Variants in SLF2 observed in about 807,000 individuals in gnomAD.
SLF2 encodes SMC5/6 complex localization factor 2.
SLF2 carries 68 observed loss-of-function variants against 124.3 expected under a neutral mutation model. The observed-to-expected ratio is 0.55, with a 90% CI of 0.45 to 0.67. The LOEUF (loss-of-function observed/expected upper bound fraction) is 0.67. Among genes scored for constraint, SLF2 ranks in the 30% least tolerant of loss-of-function variants. The pLI is 0.00. For missense variants in SLF2, 1,246 were observed against 1,373.7 expected (o/e 0.91, Z 1.47); for synonymous variants, 480 against 478.8 (o/e 1.00, Z -0.03).
At position 100,913,002 on chromosome 10, in the gene SLF2, G is replaced by A; in HGVS notation, c.-109G>A. The A allele has an allele frequency of 4.1e-6, 5 of 1,229,654 alleles. No individual in the cohort carries two copies. Among genetic ancestry groups the A allele is most frequent in the South Asian group, 1.4e-5 (1 of 71,290 alleles). 76.2% of individuals were successfully genotyped at this position (1,229,654 alleles called of 1,614,324 possible). A position where few individuals can be genotyped will look rare whatever the true frequency, so the allele number is the denominator to read the frequency against. Reference sequence around the variant, plus strand: ...AACCGCCATGAAGAGAGAAGGGGGTGCCGCCCACCTCTGCTCCGACAGCCT... The same window carrying A: ...AACCGCCATGAAGAGAGAAGGGGGTACCGCCCACCTCTGCTCCGACAGCCT... On this transcript the variant is annotated 5_prime_UTR_variant, in exon 1 of 20. Transcript: ENST00000238961.
At chr10:100,937,577 C>A in intron 10 of SLF2, 100 bp downstream of exon 10, 4 of 784,642 alleles carry the variant, frequency 5.1e-6, no homozygotes, top group Admixed American at 2.4e-5. Flanking sequence ...TGGAAATATA[C>A]AATACAAAAT....
Position 100,916,842 on chromosome 10 carries a change from T to C in SLF2, c.457T>C (p.Ser153Pro), listed in dbSNP as rs761855875. 3 of 1,614,200 alleles carry C rather than the reference T, an allele frequency of 1.9e-6. No homozygotes were observed. In the East Asian group the frequency reaches 6.7e-5, roughly 36 times the overall value. The change falls in exon 3 of 20, where the codon TCT becomes CCT. Residue 153 changes from serine to proline, a missense_variant. Ser to Pro is a moderately conservative substitution (Grantham distance 74, BLOSUM62 -1). Around this residue, in one of 3 missense-constraint regions of SLF2, gnomAD observed 698 missense variants for 708.9 expected, o/e 0.98. Coordinates refer to ENST00000238961, the MANE Select transcript of SLF2 (RefSeq NM_018121.4). ...CAAAGGAACAAATATCTATGTTCCT[T>C]CTTCATATCACTTGCCAAAGGAGAT... ...LAKGTNIYVP[S>P]SYHLPKEMKS...
intron 11 of SLF2, among the ~76,000 whole-genome samples, chr10:100,939,027 G>GA (rs538190790): frequency 6.6e-6 from 1 of 151,256 alleles, no homozygotes; most frequent in African/African-American, 2.4e-5. Context: ...TTAGACAAGA[G>GA]AAAAAAAACA....
rs2133839846 is a variant in SLF2 at position 100,962,283 on chromosome 10, A to AT, written c.*372dup. The AT allele has an allele frequency of 6.3e-6, 1 of 158,870 alleles. No individual in the cohort carries two copies. The highest frequency in any genetic ancestry group is 2.4e-5 in the African/African-American group (1 of 41,800). 9.8% of individuals were successfully genotyped at this position (158,870 alleles called of 1,614,324 possible). On this transcript the variant is annotated 3_prime_UTR_variant, in exon 20 of 20. Transcript: ENST00000238961. ...TCACTTGGATAATCACAGGAAATAT[A>AT]TAAGAAAAGAGCTTGGACTAACTTG...
chr10:100,926,157 GAT>G (rs1333772421), intron 6 of SLF2, 138 bp downstream of exon 6: 1 of 1,560,002 alleles, frequency 6.4e-7, no homozygotes, highest in Non-Finnish European at 8.7e-7. Context: ...GTTAGAATAA[GAT>G]ATGTTGGCCG....
At chr10:100,942,321 A>C (rs1473372303) in intron 11 of SLF2, among the ~76,000 whole-genome samples, 1 of 152,164 alleles carries the variant, frequency 6.6e-6, no homozygotes, top group African/African-American at 2.4e-5. Context: ...ATTTATGTTC[A>C]ATAATATGCT....
At chr10:100,926,119 G>T in intron 6 of SLF2, 100 bp downstream of exon 6, 1 of 1,591,726 alleles carries the variant, frequency 6.3e-7, no homozygotes, top group Non-Finnish European at 8.6e-7. Flanking sequence ...AGAAATTAGC[G>T]TGCATTTTGG....
chr10:100,925,919 G>GT (rs1267843458), intron 5 of SLF2, 30 bp from the exon 6 acceptor site: 3 of 1,546,060 alleles, frequency 1.9e-6, no homozygotes, highest in African/African-American at 2.8e-5. Context: ...AAGACATGTG[G>GT]TAAAGTATTT....
At chr10:100,939,922 A>G (rs1051803348) in intron 11 of SLF2, among the ~76,000 whole-genome samples, 2 of 152,228 alleles carry the variant, frequency 1.3e-5, no homozygotes, top group African/African-American at 4.8e-5. Flanking sequence ...GTATCTGAAA[A>G]TATGTTGGAT....
chr10:100,954,733 A>G (rs2133827302), intron 17 of SLF2, among the ~76,000 whole-genome samples: 1 of 152,250 alleles, frequency 6.6e-6, no homozygotes, highest in South Asian at 2.1e-4. Context: ...GCTTGAGCCT[A>G]GGAGTTTAAA....
intron 1 of SLF2, among the ~76,000 whole-genome samples, chr10:100,914,293 T>C (rs1849374709): frequency 6.8e-6 from 1 of 146,594 alleles, no homozygotes. Context: ...GAAACTGTTA[T>C]AATTGTGTGT....
rs761717566 is a variant in SLF2 at position 100,924,525 on chromosome 10, T to C, written c.1524T>C (p.Ser508=). The C allele has an allele frequency of 5.2e-5, 84 of 1,614,028 alleles. No homozygotes were observed. The highest frequency in any genetic ancestry group is 6.7e-5 in the Non-Finnish European group (79 of 1,180,030). ...VSKKDKERSS[S]KECSGHSTES... is the part of the protein sequence containing the mutation. ...AAAAAGATAAAGAGCGTTCCTCATC[T>C]AAAGAATGTTCTGGGCATTCTACAG... Residue 508 remains serine (S), a synonymous_variant, in exon 5 of 20, where the codon TCT becomes TCC. Coordinates refer to ENST00000238961, the MANE Select transcript of SLF2 (RefSeq NM_018121.4).
In SLF2 at chr10:100,962,318, A is replaced by G. The variant is rs1020520697; in HGVS notation, c.*406A>G. 4.5e-5 allele frequency: 7 copies of G among 153,968 alleles called. No homozygotes were observed. The highest frequency in any genetic ancestry group is 1.4e-4 in the African/African-American group (6 of 41,540). The allele number at this position is 153,968 out of a possible 1,614,324, so 9.5% of individuals were successfully genotyped here. On this transcript the variant is annotated 3_prime_UTR_variant, in exon 20 of 20. Transcript: ENST00000238961. Reference sequence around the variant, plus strand: ...AGCTTGGACTAACTTGAGAAGTTGGACATGGAAAGCAAGACCAAGTTCCAG... The same window carrying G: ...AGCTTGGACTAACTTGAGAAGTTGGGCATGGAAAGCAAGACCAAGTTCCAG...
rs1305032593 is a variant in SLF2 at position 100,916,773 on chromosome 10, G to A, written c.388G>A (p.Glu130Lys). 1 of 1,613,000 alleles carries A rather than the reference G, an allele frequency of 6.2e-7. No individual in the cohort carries two copies. The highest frequency in any genetic ancestry group is 8.5e-7 in the Non-Finnish European group (1 of 1,179,606). ...KEHHEDHGIHESRRPCLSLAS... is the reference protein window; with the variant it reads ...KEHHEDHGIHKSRRPCLSLAS... ...GCACCATGAAGATCATGGTATACAT[G>A]AGTCACGTCGGCCTTGTCTGTCACT... The change falls in exon 3 of 20, where the codon GAG becomes AAG. Residue 130 changes from glutamate (E) to lysine (K), a missense_variant. Coordinates refer to ENST00000238961, the MANE Select transcript of SLF2 (RefSeq NM_018121.4).
chr10:100,944,494 CA>C (rs34072572), intron 12 of SLF2, among the ~76,000 whole-genome samples: 186 of 100,646 alleles, frequency 1.8e-3, no homozygotes, highest in Middle Eastern at 5.4e-3. Context: ...GACTCTGTCT[CA>C]AAAAAAAAAA....
intron 9 of SLF2, among the ~76,000 whole-genome samples, chr10:100,932,948 C>G (rs920815265): frequency 6.6e-6 from 1 of 152,080 alleles, no homozygotes; most frequent in African/African-American, 2.4e-5. Flanking sequence ...ACTAAAGATA[C>G]GTGGACACAT....
intron 1 of SLF2, among the ~76,000 whole-genome samples, chr10:100,914,950 A>G (rs1284689831): frequency 6.6e-6 from 1 of 152,244 alleles, no homozygotes; most frequent in Non-Finnish European, 1.5e-5. Context: ...ATTCTCTTTC[A>G]GTAAAATGAT....
At position 100,957,330 on chromosome 10, in the gene SLF2, A is replaced by ATTTTTTTTTTTT. The variant is rs71013477; in HGVS notation, c.3417+819_3417+830dup. ...AATATGTTAAAGGAAGGAGTCTTCA[A>ATTTTTTTTTTTT]TTTTTTTTTTTTTTTTTTTTTTTTT... On this transcript the variant is annotated intron_variant, in intron 18 of 19. Transcript: ENST00000238961. Among the ~76,000 whole-genome samples the ATTTTTTTTTTTT allele has an allele frequency of 5.4e-5, 5 of 91,866 alleles. 1 individual carries two copies. The highest frequency in any genetic ancestry group is 1.1e-4 in the Admixed American group (1 of 9,218). 60.3% of individuals were successfully genotyped at this position (91,866 alleles called of 152,430 possible). A position where few individuals can be genotyped will look rare whatever the true frequency, so the allele number is the denominator to read the frequency against.
At position 100,913,170 on chromosome 10, in the gene SLF2, G is replaced by T. The variant is rs778906776; in HGVS notation, c.60G>T (p.Ser20=). ...TCCCCTCATCCCCAGCCCCGGGGTC[G>T]TCGCCCCCGCGCTGCCATCTGAGAC... ...PGFPSSPAPG[S]SPPRCHLRPG... is the part of the protein sequence containing the mutation. The change falls in exon 1 of 20, where the codon TCG becomes TCT. Residue 20 remains serine (S), a synonymous_variant. Transcript: ENST00000238961. 1.2e-6 allele frequency: 2 copies of T among 1,612,092 alleles called. No homozygotes were observed. The highest frequency in any genetic ancestry group is 1.7e-6 in the Non-Finnish European group (2 of 1,179,230).
Sources: gnomAD v4.1 joint callset for allele counts (sites outside exome capture counted in the v4.1 genomes callset) on GRCh38, gnomAD v4.1.1 for gene constraint, gnomAD v4.1.1 regional missense constraint, MANE v1.5 for transcripts, NCBI Gene and HGNC (gene_info 2026-07-23, HGNC 2026-07-21) for gene names.